The following MGAT4C variants were observed in gnomAD, a reference collection of about 807,000 sequenced individuals.
MGAT4C encodes the protein MGAT4 family member C.
Under a neutral mutation model 40.1 loss-of-function variants are expected in MGAT4C, and 19 were observed. The ratio of observed to expected loss-of-function variants is 0.47; its 90% CI spans 0.33 to 0.70. The LOEUF is 0.70. MGAT4C is among the 30% of genes least tolerant of loss of function. MGAT4C has a pLI of 0.02. For synonymous variants in MGAT4C, 181 were observed against 187.1 expected, an observed-to-expected ratio of 0.97 and a Z score of 0.27; for missense variants, 491 against 563.2, an observed-to-expected ratio of 0.87 and a Z score of 1.30.
intron 2 of MGAT4C, among the ~76,000 whole-genome samples, chr12:86,457,607 T>C (rs547714967): frequency 3.0e-4 from 45 of 152,198 alleles, no homozygotes; most frequent in Non-Finnish European, 5.0e-4. Context: ...ATTTTCAATA[T>C]AGTTTAGCTG....
chr12:86,079,191 A>G (rs1870359856), intron 1 of MGAT4C, among the ~76,000 whole-genome samples: 1 of 152,134 alleles, frequency 6.6e-6, no homozygotes, highest in East Asian at 1.9e-4. Context: ...TATGTTGGGT[A>G]TGTAGTCAAA....
intron 3 of MGAT4C, among the ~76,000 whole-genome samples, chr12:86,402,761 T>C (rs1405738958): frequency 6.6e-6 from 1 of 152,194 alleles, no homozygotes; most frequent in Non-Finnish European, 1.5e-5. Flanking sequence ...TATCTGGTTA[T>C]AAAGACAAAT....
In MGAT4C at chr12:85,969,314, G is replaced by A. The variant is rs1306364589; in HGVS notation, c.*9975C>T. ...GGTTTACTGATGTTTTCCAACATCC[G>A]AAATAATAGCTGAAATTTAGAAACA... On this transcript the variant is annotated 3_prime_UTR_variant, in exon 5 of 5. Transcript: ENST00000611864. The A allele has an allele frequency of 6.6e-6, 1 of 151,686 alleles. No individual in the cohort carries two copies. Among genetic ancestry groups the A allele is most frequent in the East Asian group, 1.9e-4 (1 of 5,192 alleles). 9.4% of individuals were successfully genotyped at this position (151,686 alleles called of 1,614,324 possible).
At chr12:86,144,046 C>A (rs576916130) in intron 1 of MGAT4C, among the ~76,000 whole-genome samples, 1 of 152,174 alleles carries the variant, frequency 6.6e-6, no homozygotes, top group Middle Eastern at 3.2e-3. Context: ...GGATGATGCG[C>A]ACAAGTACGT....
chr12:86,649,259 A>G (rs1487424999), intron 2 of MGAT4C, among the ~76,000 whole-genome samples: 2 of 151,858 alleles, frequency 1.3e-5, no homozygotes, highest in East Asian at 3.9e-4. Context: ...CATTATTATA[A>G]TAGTTTTGTA....
intron 4 of MGAT4C, among the ~76,000 whole-genome samples, chr12:86,321,352 T>C (rs1410829660): frequency 6.6e-6 from 1 of 152,202 alleles, no homozygotes; most frequent in Non-Finnish European, 1.5e-5. Context: ...TATTTTGATT[T>C]AATTTAAGTT....
At chr12:86,556,745 T>C (rs776639559) in intron 2 of MGAT4C, among the ~76,000 whole-genome samples, 6 of 152,194 alleles carry the variant, frequency 3.9e-5, no homozygotes, top group Non-Finnish European at 7.4e-5. Flanking sequence ...AGTCACTGCA[T>C]GTACTAGAAA....
rs1352186398 is a variant in MGAT4C, at chr12:86,037,945, C to G, written c.-7+11729G>C. Among the ~76,000 whole-genome samples the G allele has an allele frequency of 2.7e-5, 4 of 149,018 alleles. 1 individual carries two copies. The highest frequency in any genetic ancestry group is 6.0e-5 in the Non-Finnish European group (4 of 66,536). Reference sequence around the variant, plus strand: ...AGTCTAAGCGTTGGGGTGATCAGACCCAACACCAGGTCATGGGGGTGACGA... The same window carrying G: ...AGTCTAAGCGTTGGGGTGATCAGACGCAACACCAGGTCATGGGGGTGACGA... On this transcript the variant is annotated intron_variant, in intron 2 of 4. Transcript: ENST00000611864.
At chr12:86,142,141 A>G (rs1445640736) in intron 1 of MGAT4C, among the ~76,000 whole-genome samples, 1 of 152,186 alleles carries the variant, frequency 6.6e-6, no homozygotes, top group Non-Finnish European at 1.5e-5. Flanking sequence ...TTCTCTCTTG[A>G]AAACTGAGCA....
At chr12:86,620,550 T>C (rs1359164968) in intron 2 of MGAT4C, among the ~76,000 whole-genome samples, 1 of 152,120 alleles carries the variant, frequency 6.6e-6, no homozygotes, top group African/African-American at 2.4e-5. Context: ...ATAGGAGACA[T>C]TGGAGATTCT....
intron 1 of MGAT4C, among the ~76,000 whole-genome samples, chr12:86,165,040 A>C (rs1057273785): frequency 9.8e-5 from 15 of 152,286 alleles, no homozygotes; most frequent in Admixed American, 7.2e-4. Context: ...AATGATATTA[A>C]ATTTTGAATA....
intron 1 of MGAT4C, among the ~76,000 whole-genome samples, chr12:86,077,853 A>G (rs1287757992): frequency 1.3e-5 from 2 of 152,170 alleles, no homozygotes; most frequent in Non-Finnish European, 2.9e-5. Flanking sequence ...TCTTCCTGAT[A>G]GCAGAGGTCA....
At chr12:86,608,352 G>T (rs2136470551) in intron 2 of MGAT4C, among the ~76,000 whole-genome samples, 1 of 152,094 alleles carries the variant, frequency 6.6e-6, no homozygotes, top group Non-Finnish European at 1.5e-5. Flanking sequence ...GCTTAGAAAG[G>T]GAGATCACTT....
At chr12:86,445,627 G>C (rs1348422282) in intron 2 of MGAT4C, among the ~76,000 whole-genome samples, 1 of 152,074 alleles carries the variant, frequency 6.6e-6, no homozygotes, top group Non-Finnish European at 1.5e-5. Context: ...ACAAAAACTG[G>C]AAATTATCCA....
chr12:86,578,393 G>T (rs930169542), intron 2 of MGAT4C, among the ~76,000 whole-genome samples: 3 of 151,824 alleles, frequency 2.0e-5, no homozygotes, highest in Non-Finnish European at 4.4e-5. Context: ...CTCATAGAAT[G>T]AATTTGGAAG....
At chr12:86,594,450 T>C (rs1961453569) in intron 2 of MGAT4C, among the ~76,000 whole-genome samples, 1 of 152,196 alleles carries the variant, frequency 6.6e-6, no homozygotes, top group Non-Finnish European at 1.5e-5. Flanking sequence ...AGTGAATCCC[T>C]AGAGCTCCTC....
chr12:86,197,269 TC>T (rs1198801686), intron 1 of MGAT4C, among the ~76,000 whole-genome samples: 8 of 152,238 alleles, frequency 5.3e-5, no homozygotes, highest in Admixed American at 1.3e-4. Context: ...ATAAGTATTC[TC>T]TAAGATGAGA....
chr12:86,042,827 C>A (rs1208296990), intron 2 of MGAT4C, among the ~76,000 whole-genome samples: 1 of 141,996 alleles, frequency 7.0e-6, no homozygotes, highest in Admixed American at 7.6e-5. Flanking sequence ...AAGATCATGC[C>A]ACTGCACTCC....
intron 3 of MGAT4C, among the ~76,000 whole-genome samples, chr12:86,340,879 C>T (rs977687836): frequency 6.6e-6 from 1 of 152,162 alleles, no homozygotes; most frequent in Admixed American, 6.5e-5. Flanking sequence ...GTTACTCTCT[C>T]ACCTTAAGGC....
Sources: gnomAD v4.1 joint callset for allele counts (sites outside exome capture counted in the v4.1 genomes callset) on GRCh38, gnomAD v4.1.1 for gene constraint, MANE v1.5 for transcripts, NCBI Gene and HGNC (gene_info 2026-07-23, HGNC 2026-07-21) for gene names.